IPCEF1: variants seen among roughly 807,000 people sequenced by gnomAD.
IPCEF1 encodes interactor protein for cytohesin exchange factors 1.
IPCEF1 carries 31 observed loss-of-function variants against 50.9 expected under a neutral mutation model. The observed-to-expected ratio is 0.61, with a 90% CI of 0.46 to 0.82. The LOEUF (loss-of-function observed/expected upper bound fraction) is 0.82, where lower values mean the gene tolerates loss of function less well. Ranked by LOEUF, IPCEF1 falls within the 40% of genes least tolerant of loss-of-function variation. IPCEF1 has a pLI of 0.00. For missense variants in IPCEF1, 458 were observed against 514.0 expected (o/e 0.89, Z 1.05); for synonymous variants, 181 against 192.0 (o/e 0.94, Z 0.47).
chr6:154,211,934 A>T (rs1777994710), intron 9 of IPCEF1, among the ~76,000 whole-genome samples: 1 of 152,226 alleles, frequency 6.6e-6, no homozygotes, highest in Admixed American at 6.5e-5. Flanking sequence ...TAGACACTTC[A>T]CAAAAGAGAA....
chr6:154,247,484 A>C lies in IPCEF1; in HGVS notation c.41T>G (p.Val14Gly). 6.2e-7 allele frequency: 1 copy of C among 1,612,534 alleles called. No individual in the cohort carries two copies. Among genetic ancestry groups the C allele is most frequent in the Non-Finnish European group, 8.5e-7 (1 of 1,178,776 alleles). The change falls in exon 4 of 12, where the codon GTT becomes GGT. Residue 14 changes from valine (V) to glycine (G), a missense_variant. Val to Gly is a moderately radical substitution (Grantham distance 109). Transcript: ENST00000367220. ...YMAIDGSALQ[V>G]PLRQKPRRKT... ...CCTCCTGGGCTTCTGACGCAAGGGA[A>C]CCTGCTGAAAATGCAGGAAGGAAAG... is the stretch of plus-strand genomic sequence containing the variant.
intron 4 of IPCEF1, 35 bp downstream of exon 4, chr6:154,247,414 A>G (rs1245572301): frequency 6.3e-7 from 1 of 1,584,848 alleles, no homozygotes; most frequent in East Asian, 2.2e-5. Flanking sequence ...AACGTACACA[A>G]AATGGAGATA....
intron 7 of IPCEF1, among the ~76,000 whole-genome samples, chr6:154,217,810 G>A (rs1022463191): frequency 2.0e-5 from 3 of 152,058 alleles, no homozygotes; most frequent in Non-Finnish European, 4.4e-5. Context: ...GTGAAATAGG[G>A]AAAATATTTT....
intron 5 of IPCEF1, among the ~76,000 whole-genome samples, chr6:154,229,395 G>GCTGGA (rs1779534440): frequency 1.4e-5 from 2 of 143,884 alleles, no homozygotes; most frequent in Non-Finnish European, 3.0e-5. Context: ...TGTCGCCCAG[G>GCTGGA]CTGGACTGCA....
At chr6:154,259,401 C>T (rs1781539067) in intron 3 of IPCEF1, among the ~76,000 whole-genome samples, 1 of 152,186 alleles carries the variant, frequency 6.6e-6, no homozygotes, top group Non-Finnish European at 1.5e-5. Flanking sequence ...GCCTGTAATC[C>T]CAGAATTTTG....
At chr6:154,224,381 A>T (rs888089120) in intron 5 of IPCEF1, among the ~76,000 whole-genome samples, 1 of 152,164 alleles carries the variant, frequency 6.6e-6, no homozygotes, top group Non-Finnish European at 1.5e-5. Context: ...ACTTATCTAA[A>T]TTATTCACCT....
chr6:154,246,460 T>G (rs1306378121), intron 5 of IPCEF1, 131 bp downstream of exon 5: 17 of 1,098,004 alleles, frequency 1.5e-5, no homozygotes, highest in Admixed American at 2.4e-5. Flanking sequence ...ATGGCTTCTA[T>G]AACTTATTTG....
At chr6:154,239,006 T>A (rs945368994) in intron 5 of IPCEF1, among the ~76,000 whole-genome samples, 1 of 152,098 alleles carries the variant, frequency 6.6e-6, no homozygotes, top group South Asian at 2.1e-4. Context: ...GGAAGCTGTA[T>A]CCCCTGAGTG....
Position 154,269,951 on chromosome 6 carries a change from T to G in IPCEF1, c.-17-3987A>C, listed in dbSNP as rs190141231. Among the ~76,000 whole-genome samples, 4 of 152,288 alleles carry G rather than the reference T, an allele frequency of 2.6e-5. No individual in the cohort carries two copies. In the East Asian group the frequency reaches 7.7e-4, roughly 29 times the overall value. On this transcript the variant is annotated intron_variant, in intron 2 of 11. Coordinates refer to ENST00000367220, the MANE Select transcript of IPCEF1 (RefSeq NM_001130700.2). ...CAAGGTTTTGATGAAAATATATACA[T>G]ATAAAGTACACAATAAAAGCAGCTT...
At chr6:154,266,548 C>T (rs893797849) in intron 2 of IPCEF1, among the ~76,000 whole-genome samples, 3 of 131,602 alleles carry the variant, frequency 2.3e-5, no homozygotes, top group Non-Finnish European at 4.8e-5. Context: ...ATGATTTACA[C>T]ACTTAATATT....
chr6:154,300,630 A>T (rs1359136994), intron 1 of IPCEF1, among the ~76,000 whole-genome samples: 1 of 152,154 alleles, frequency 6.6e-6, no homozygotes, highest in African/African-American at 2.4e-5. Context: ...CAACAAAAAA[A>T]CACTAACAAT....
Position 154,273,724 on chromosome 6 carries a change from C to CTTTTTTTTTTTTTTTTTTTTTTTTT in IPCEF1, c.-17-7785_-17-7761dup, listed in dbSNP as rs71021036. Among the ~76,000 whole-genome samples, 3 of 63,314 alleles carry CTTTTTTTTTTTTTTTTTTTTTTTTT rather than the reference C, an allele frequency of 4.7e-5. 1 individual carries two copies. The highest frequency in any genetic ancestry group is 9.5e-5 in the Non-Finnish European group (3 of 31,574). 41.5% of individuals were successfully genotyped at this position (63,314 alleles called of 152,430 possible). ...TCTTTTTTTCTTTCTTTCTTTCTTT[C>CTTTTTTTTTTTTTTTTTTTTTTTTT]TTTTTTTTTTTTTTTTTTTTTTTTT... On this transcript the variant is annotated intron_variant, in intron 2 of 11. Transcript: ENST00000367220.
intron 1 of IPCEF1, among the ~76,000 whole-genome samples, chr6:154,355,670 G>A (rs1174223742): frequency 6.6e-6 from 1 of 151,930 alleles, no homozygotes; most frequent in East Asian, 1.9e-4. Flanking sequence ...TGTATTTTTA[G>A]TAGAGACGGG....
intron 10 of IPCEF1, among the ~76,000 whole-genome samples, chr6:154,186,270 A>G (rs927859124): frequency 1.8e-4 from 28 of 152,184 alleles, no homozygotes; most frequent in Non-Finnish European, 2.9e-5. Flanking sequence ...GGTCTTTTCC[A>G]TCTCATAATA....
intron 5 of IPCEF1, 119 bp from the exon 6 acceptor site, chr6:154,223,362 C>T: frequency 2.6e-6 from 2 of 769,600 alleles, no homozygotes; most frequent in African/African-American, 1.7e-5. Flanking sequence ...TCAAGAGATA[C>T]CAACCACCCT....
intron 1 of IPCEF1, among the ~76,000 whole-genome samples, chr6:154,321,778 T>TAAAAAA (rs61648946): frequency 1.9e-5 from 1 of 51,934 alleles, no homozygotes; most frequent in African/African-American, 5.4e-5. Context: ...AGACTCTTTC[T>TAAAAAA]AAAAAAAAAA....
chr6:154,222,422 G>C (rs1778938697), intron 6 of IPCEF1, among the ~76,000 whole-genome samples: 1 of 152,216 alleles, frequency 6.6e-6, no homozygotes, highest in South Asian at 2.1e-4. Context: ...GGACAAAAAG[G>C]AAGGCCCCTT....
chr6:154,224,494 G>A (rs998753294), intron 5 of IPCEF1, among the ~76,000 whole-genome samples: 16 of 152,134 alleles, frequency 1.1e-4, no homozygotes, highest in South Asian at 2.1e-4. Context: ...GATCACTTGC[G>A]GTGAGGTGTT....
At chr6:154,193,862 A>T (rs1261418648) in intron 10 of IPCEF1, among the ~76,000 whole-genome samples, 1 of 152,232 alleles carries the variant, frequency 6.6e-6, no homozygotes, top group Non-Finnish European at 1.5e-5. Context: ...GCTGTTTTCC[A>T]TACTCTATAC....
Sources: allele counts gnomAD v4.1 joint callset (sites outside exome capture counted in the v4.1 genomes callset), GRCh38; gene constraint gnomAD v4.1.1; transcripts MANE v1.5; gene names NCBI Gene and HGNC (gene_info 2026-07-23, HGNC 2026-07-21).